ABCC4: variants seen among roughly 807,000 people sequenced by gnomAD.
ABCC4 encodes the protein ATP binding cassette subfamily C member 4 (PEL blood group).
ABCC4 carries 102 observed loss-of-function variants against 168.5 expected under a neutral mutation model. The ratio of observed to expected loss-of-function variants is 0.61; its 90% CI spans 0.52 to 0.71. ABCC4 has a LOEUF of 0.71. Ranked by LOEUF, ABCC4 falls within the 30% of genes least tolerant of loss-of-function variation. The probability of loss-of-function intolerance (pLI) is 0.00; values close to 1 mark genes in which losing one functional copy is unlikely to be tolerated. For missense variants in ABCC4, 1,402 were observed against 1,605.8 expected, an observed-to-expected ratio of 0.87 and a Z score of 2.17; for synonymous variants, 617 against 590.7, an observed-to-expected ratio of 1.04 and a Z score of -0.65.
At chr13:95,116,065 C>T (rs532202078) in intron 19 of ABCC4, 64 bp from the exon 20 acceptor site, 65 of 1,219,432 alleles carry the variant, frequency 5.3e-5, no homozygotes, top group Admixed American at 3.3e-4. Context: ...AGAAACAATT[C>T]GCAAACAAAT....
At chr13:95,267,854 A>G (rs1423903629) in intron 1 of ABCC4, among the ~76,000 whole-genome samples, 1 of 152,166 alleles carries the variant, frequency 6.6e-6, no homozygotes, top group Non-Finnish European at 1.5e-5. Flanking sequence ...GCCAACTGCT[A>G]TTGCCCAACC....
In ABCC4 at chr13:95,285,370, G is replaced by A. The variant is rs562750138; in HGVS notation, c.74+15871C>T. Among the ~76,000 whole-genome samples the A allele has an allele frequency of 2.3e-4, 35 of 152,092 alleles. 1 individual carries two copies. The highest frequency in any genetic ancestry group is 8.2e-4 in the African/African-American group (34 of 41,498). On this transcript the variant is annotated intron_variant, in intron 1 of 30. Transcript: ENST00000645237. ...GTTCAAGACCAACCTGACCAACATG[G>A]TGAAACCCCATCTCTACTAAAACAC... is the stretch of plus-strand genomic sequence containing the variant.
At chr13:95,105,276 T>G (rs572824141) in intron 20 of ABCC4, among the ~76,000 whole-genome samples, 1 of 151,736 alleles carries the variant, frequency 6.6e-6, no homozygotes, top group African/African-American at 2.4e-5. Flanking sequence ...GTAACGTGAG[T>G]GATGGGGAGC....
chr13:95,074,104 T>C (rs1174622596), intron 23 of ABCC4, 110 bp downstream of exon 23: 4 of 817,778 alleles, frequency 4.9e-6, no homozygotes, highest in Admixed American at 2.9e-5. Flanking sequence ...ATACACTTCA[T>C]TAGGACCAAA....
At chr13:95,127,076 G>C (rs1301905361) in intron 19 of ABCC4, among the ~76,000 whole-genome samples, 1 of 151,562 alleles carries the variant, frequency 6.6e-6, no homozygotes, top group Non-Finnish European at 1.5e-5. Context: ...CTTCATCTTA[G>C]GGGGAATGTT....
intron 19 of ABCC4, among the ~76,000 whole-genome samples, chr13:95,130,922 C>A (rs555392717): frequency 1.8e-4 from 27 of 152,244 alleles, no homozygotes; most frequent in African/African-American, 6.5e-4. Flanking sequence ...CCTAGAAATA[C>A]GAACAAGAAA....
chr13:95,196,580 A>AGGAG (rs1566515153), intron 8 of ABCC4, among the ~76,000 whole-genome samples: 8 of 101,100 alleles, frequency 7.9e-5, no homozygotes, highest in African/African-American at 1.3e-4. Context: ...AAAGGAGGAA[A>AGGAG]GGAGGAAGGA....
chr13:95,298,882 G>A (rs1305377676), intron 1 of ABCC4, among the ~76,000 whole-genome samples: 4 of 152,080 alleles, frequency 2.6e-5, no homozygotes, highest in Non-Finnish European at 5.9e-5. Context: ...CAGGGAAACC[G>A]GAAATGAACA....
chr13:95,159,912 G>A (rs1451052849), intron 19 of ABCC4, among the ~76,000 whole-genome samples: 6 of 152,214 alleles, frequency 3.9e-5, no homozygotes, highest in Admixed American at 3.3e-4. Flanking sequence ...TCAGTTCACA[G>A]ATACATGGCT....
chr13:95,084,963 G>A (rs898144786), intron 20 of ABCC4, among the ~76,000 whole-genome samples: 5 of 152,218 alleles, frequency 3.3e-5, no homozygotes, highest in Non-Finnish European at 7.3e-5. Context: ...CTATGGCTTC[G>A]GGAAATATGA....
chr13:95,187,529 G>T (rs1237245463), intron 10 of ABCC4, among the ~76,000 whole-genome samples: 1 of 152,162 alleles, frequency 6.6e-6, no homozygotes, highest in African/African-American at 2.4e-5. Flanking sequence ...CTTGAACCTA[G>T]GGAAATGGAG....
intron 4 of ABCC4, among the ~76,000 whole-genome samples, chr13:95,219,246 C>A (rs1030621074): frequency 6.6e-6 from 1 of 152,162 alleles, no homozygotes; most frequent in African/African-American, 2.4e-5. Flanking sequence ...TCACCAGTTT[C>A]TTTGCCTGAA....
At chr13:95,262,460 C>G (rs1052315000) in intron 1 of ABCC4, among the ~76,000 whole-genome samples, 2 of 152,176 alleles carry the variant, frequency 1.3e-5, no homozygotes, top group African/African-American at 2.4e-5. Flanking sequence ...CACTGATCCT[C>G]TTTAGTGACA....
intron 19 of ABCC4, among the ~76,000 whole-genome samples, chr13:95,155,749 A>G (rs1729788): frequency 0.37 from 56,598 of 152,004 alleles, 11,616 homozygotes; most frequent in African/African-American, 0.56. Context: ...CACTTCTACC[A>G]ACACCAGCTC....
chr13:95,245,397 G>A (rs1321401156), intron 3 of ABCC4, among the ~76,000 whole-genome samples: 1 of 152,224 alleles, frequency 6.6e-6, no homozygotes, highest in African/African-American at 2.4e-5. Flanking sequence ...CTCTGAGGTT[G>A]CACAGCCAAA....
chr13:95,029,233 G>T (rs2031740148), intron 30 of ABCC4, among the ~76,000 whole-genome samples: 3 of 20,000 alleles, frequency 1.5e-4, no homozygotes, highest in African/African-American at 5.6e-4. Flanking sequence ...GAGAGAGAGA[G>T]AGAGAGAGAG....
chr13:95,175,878 C>A (rs961443335), intron 13 of ABCC4, among the ~76,000 whole-genome samples: 3 of 152,186 alleles, frequency 2.0e-5, no homozygotes, highest in Admixed American at 6.5e-5. Context: ...TTTGTGAGGG[C>A]AGCCCTGGCT....
At chr13:95,206,458 G>C in intron 8 of ABCC4, 74 bp downstream of exon 8, 1 of 1,563,090 alleles carries the variant, frequency 6.4e-7, no homozygotes, top group Non-Finnish European at 8.7e-7. Flanking sequence ...CTGGAACATA[G>C]TGATGCTAAA....
At chr13:95,041,858 A>C (rs1318830833) in intron 29 of ABCC4, among the ~76,000 whole-genome samples, 2 of 152,216 alleles carry the variant, frequency 1.3e-5, no homozygotes, top group East Asian at 3.9e-4. Flanking sequence ...CTCAAGCTAC[A>C]GAATGCATGT....
Sources: allele counts gnomAD v4.1 joint callset (sites outside exome capture counted in the v4.1 genomes callset), GRCh38; gene constraint gnomAD v4.1.1; transcripts MANE v1.5; gene names NCBI Gene and HGNC (gene_info 2026-07-23, HGNC 2026-07-21).